The following TRAF6 variants were observed in gnomAD, a reference collection of about 807,000 sequenced individuals.
TRAF6 encodes the protein TNF receptor associated factor 6.
A neutral mutation model predicts 48.4 loss-of-function variants in TRAF6; 10 were observed. The observed-to-expected ratio is 0.21, with a 90% CI of 0.13 to 0.35. TRAF6 has a LOEUF of 0.35. TRAF6 is among the 10% of genes least tolerant of loss of function. The pLI is 1.00. For synonymous variants in TRAF6, 186 were observed against 219.6 expected, an observed-to-expected ratio of 0.85 and a Z score of 1.35; for missense variants, 397 against 661.0, an observed-to-expected ratio of 0.60 and a Z score of 4.38.
rs1040359378 is a variant in TRAF6 at position 36,485,838 on chromosome 11, T to G, written c.*4000A>C. 1.3e-5 allele frequency among the ~76,000 whole-genome samples: 2 copies of G among 152,108 alleles called. No homozygotes were observed. The highest frequency in any genetic ancestry group is 2.9e-5 in the Non-Finnish European group (2 of 68,020). ...GATCATCTTTCTGGATACTGGGAAT[T>G]TGTAAGTGCCAAGTACACTCTACAG... is the stretch of plus-strand genomic sequence containing the variant. On this transcript the variant is annotated 3_prime_UTR_variant, in exon 7 of 7. Transcript: ENST00000526995.
rs750866419 is a variant in TRAF6, at chr11:36,506,071, C to T, written c.-23+3977G>A. Reference sequence around the variant, plus strand: ...GACAGACAAATACAAAGTGAGCACACGCTGTTGGAAAAATGGCGTGCAAAG... The same window carrying T: ...GACAGACAAATACAAAGTGAGCACATGCTGTTGGAAAAATGGCGTGCAAAG... On this transcript the variant is annotated intron_variant, in intron 1 of 6. Coordinates refer to ENST00000526995, the MANE Select transcript of TRAF6 (RefSeq NM_004620.4). Among the ~76,000 whole-genome samples the T allele has an allele frequency of 6.6e-5, 10 of 151,766 alleles. No homozygotes were observed. The East Asian group carries it at 7.7e-4, about 12-fold the overall frequency.
rs1274899307 is a variant in TRAF6, at chr11:36,492,439, CTTA to C, written c.756+109_756+111del. 1.3e-5 allele frequency: 12 copies of C among 907,714 alleles called. No homozygotes were observed. In the African/African-American group the frequency reaches 1.9e-4, roughly 14 times the overall value. The allele number at this position is 907,714 out of a possible 1,614,324, so 56.2% of individuals were successfully genotyped here. The stretch of plus-strand genomic sequence containing the variant: ...ATCCATGAATAACTCTATTATATCA[CTTA>C]TTACACTGCTTTACAACTACATCTA... On this transcript the variant is annotated intron_variant, in intron 6 of 6. Transcript: ENST00000526995.
chr11:36,491,629 T>C (rs1045034786), intron 6 of TRAF6, among the ~76,000 whole-genome samples: 7 of 152,364 alleles, frequency 4.6e-5, no homozygotes, highest in Admixed American at 3.9e-4. Context: ...ATCATGAATC[T>C]TGAAACTAAT....
chr11:36,491,080 G>C (rs1859556675), intron 6 of TRAF6, among the ~76,000 whole-genome samples: 1 of 151,976 alleles, frequency 6.6e-6, no homozygotes, highest in Non-Finnish European at 1.5e-5. Flanking sequence ...TACAATTATT[G>C]AAGTCTTTCC....
chr11:36,503,041 C>T (rs1482711532), intron 1 of TRAF6, among the ~76,000 whole-genome samples: 1 of 152,198 alleles, frequency 6.6e-6, no homozygotes, highest in African/African-American at 2.4e-5. Flanking sequence ...GATTACCCAA[C>T]TAATAAGTAA....
At chr11:36,493,941 T>C (rs1348751103) in intron 5 of TRAF6, among the ~76,000 whole-genome samples, 1 of 152,236 alleles carries the variant, frequency 6.6e-6, no homozygotes, top group East Asian at 1.9e-4. Context: ...ATATCAATAA[T>C]GATCTCTGGG....
chr11:36,493,575 C>T (rs1433592041), intron 5 of TRAF6, among the ~76,000 whole-genome samples: 1 of 152,202 alleles, frequency 6.6e-6, no homozygotes, highest in African/African-American at 2.4e-5. Flanking sequence ...ATCTAGCTGG[C>T]AGGCCAGTTT....
At chr11:36,493,464 T>G (rs947116581) in intron 5 of TRAF6, among the ~76,000 whole-genome samples, 1 of 152,228 alleles carries the variant, frequency 6.6e-6, no homozygotes, top group African/African-American at 2.4e-5. Flanking sequence ...AGTATTAAAC[T>G]CTACCATTGT....
chr11:36,508,542 G>T (rs752325271), intron 1 of TRAF6, among the ~76,000 whole-genome samples: 6 of 152,112 alleles, frequency 3.9e-5, no homozygotes, highest in Non-Finnish European at 7.4e-5. Context: ...CAAGTTAAAA[G>T]AAGTCAACAA....
At position 36,498,477 on chromosome 11, in the gene TRAF6, A is replaced by G. The variant is rs1401412618; in HGVS notation, c.447+13T>C. Reference sequence around the variant, plus strand: ...TTATACATGTGCTAACAGCTAGAAAAGAACTTTAATACCTCAAGATGTCTC... The same window carrying G: ...TTATACATGTGCTAACAGCTAGAAAGGAACTTTAATACCTCAAGATGTCTC... On this transcript the variant is annotated intron_variant, in intron 3 of 6. Coordinates refer to ENST00000526995, the MANE Select transcript of TRAF6 (RefSeq NM_004620.4). The G allele has an allele frequency of 6.2e-7, 1 of 1,601,338 alleles. No homozygotes were observed. The highest frequency in any genetic ancestry group is 1.7e-5 in the Admixed American group (1 of 57,398).
rs374191343 is a variant in TRAF6, at chr11:36,494,950, T to C, written c.678+26A>G. On this transcript the variant is annotated intron_variant, in intron 5 of 6. Coordinates refer to ENST00000526995, the MANE Select transcript of TRAF6 (RefSeq NM_004620.4). ...CACTTCTTTAAGCTGTTTATGAAAA[T>C]AATAATTTATGAAAATGAATAATAC... 15 of 1,487,842 alleles carry C rather than the reference T, an allele frequency of 1.0e-5. No individual in the cohort carries two copies. In the African/African-American group the frequency reaches 1.8e-4, roughly 18 times the overall value. The allele number at this position is 1,487,842 out of a possible 1,614,324, so 92.2% of individuals were successfully genotyped here.
chr11:36,492,544 A>G lies in TRAF6; in HGVS notation c.756+7T>C, dbSNP rs746727912. The G allele has an allele frequency of 6.2e-7, 1 of 1,600,040 alleles. No individual in the cohort carries two copies. The highest frequency in any genetic ancestry group is 8.5e-7 in the Non-Finnish European group (1 of 1,174,568). On this transcript the variant is annotated splice_region_variant and intron_variant, in intron 6 of 6. Transcript: ENST00000526995. Reference sequence around the variant, plus strand: ...TATTCAAGAATTAAAAGAAAAAAAAACCTTACCTTTTCATGGCAACCAAAA... The same window carrying G: ...TATTCAAGAATTAAAAGAAAAAAAAGCCTTACCTTTTCATGGCAACCAAAA...
chr11:36,503,523 T>C (rs1283172213), intron 1 of TRAF6, among the ~76,000 whole-genome samples: 2 of 152,088 alleles, frequency 1.3e-5, no homozygotes, highest in Non-Finnish European at 2.9e-5. Context: ...CCTCAAACGA[T>C]CCACCTGCCC....
intron 2 of TRAF6, among the ~76,000 whole-genome samples, chr11:36,499,222 C>T (rs1029774766): frequency 2.0e-5 from 3 of 152,072 alleles, no homozygotes; most frequent in Admixed American, 1.3e-4. Flanking sequence ...AGTTAAAGGA[C>T]CTCTATGTCC....
In TRAF6 at chr11:36,484,527, A is replaced by G. The variant is rs1859454467; in HGVS notation, c.*5311T>C. On this transcript the variant is annotated 3_prime_UTR_variant, in exon 7 of 7. Coordinates refer to ENST00000526995, the MANE Select transcript of TRAF6 (RefSeq NM_004620.4). ...AATTATGAGAATCCTCCCTGGATTC[A>G]CAGTGTCTTTCTTAATAGAGTCATA... 6.6e-6 allele frequency among the ~76,000 whole-genome samples: 1 copy of G among 152,218 alleles called. No individual in the cohort carries two copies. Among genetic ancestry groups the G allele is most frequent in the Non-Finnish European group, 1.5e-5 (1 of 68,044 alleles).
rs1323073947 is a variant in TRAF6, at chr11:36,488,060, A to T, written c.*1778T>A. Reference sequence around the variant, plus strand: ...CTGTTCAGTTTTTAAATGGAACTTGACAATTATTTATTCATTGTAAAATAA... The same window carrying T: ...CTGTTCAGTTTTTAAATGGAACTTGTCAATTATTTATTCATTGTAAAATAA... On this transcript the variant is annotated 3_prime_UTR_variant, in exon 7 of 7. Transcript: ENST00000526995. The T allele has an allele frequency of 6.6e-6, 1 of 152,220 alleles. No homozygotes were observed. The highest frequency in any genetic ancestry group is 1.5e-5 in the Non-Finnish European group (1 of 68,046). 9.4% of individuals were successfully genotyped at this position (152,220 alleles called of 1,614,324 possible).
rs1859443051 is a variant in TRAF6, at chr11:36,483,814, A to G, written c.*6024T>C. On this transcript the variant is annotated 3_prime_UTR_variant, in exon 7 of 7. Coordinates refer to ENST00000526995, the MANE Select transcript of TRAF6 (RefSeq NM_004620.4). ...TTTAATGAAGAGTGCTTTCTTGTAG[A>G]CATTGATGCAGTACATAGGGCTGGT... Among the ~76,000 whole-genome samples the G allele has an allele frequency of 6.6e-6, 1 of 152,184 alleles. No homozygotes were observed. The highest frequency in any genetic ancestry group is 1.5e-5 in the Non-Finnish European group (1 of 68,036).
In TRAF6 at chr11:36,487,802, GC is replaced by G. The variant is rs1343546419; in HGVS notation, c.*2035del. ...GACTCCTCTTTGTATCTAATGCACAGCCAGTGCTTTTAATAGAAATCTGACC... is the reference window on the plus strand; with the variant it reads ...GACTCCTCTTTGTATCTAATGCACAGCAGTGCTTTTAATAGAAATCTGACC... On this transcript the variant is annotated 3_prime_UTR_variant, in exon 7 of 7. Coordinates refer to ENST00000526995, the MANE Select transcript of TRAF6 (RefSeq NM_004620.4). The G allele has an allele frequency of 6.6e-6, 1 of 152,094 alleles. No individual in the cohort carries two copies. Among genetic ancestry groups the G allele is most frequent in the African/African-American group, 2.4e-5 (1 of 41,416 alleles). The allele number at this position is 152,094 out of a possible 1,614,324, so 9.4% of individuals were successfully genotyped here.
chr11:36,500,463 A>G (rs1292423945), intron 2 of TRAF6, among the ~76,000 whole-genome samples: 1 of 152,198 alleles, frequency 6.6e-6, no homozygotes, highest in Non-Finnish European at 1.5e-5. Context: ...AGCAGAAAAG[A>G]GGTCAGGAAA....
Sources: gnomAD v4.1 joint callset for allele counts (sites outside exome capture counted in the v4.1 genomes callset) on GRCh38, gnomAD v4.1.1 for gene constraint, MANE v1.5 for transcripts, NCBI Gene and HGNC (gene_info 2026-07-23, HGNC 2026-07-21) for gene names.